FAM178B: variants seen among roughly 807,000 people sequenced by gnomAD.
The protein encoded by FAM178B is protein FAM178B.
FAM178B carries 82 observed loss-of-function variants against 91.7 expected under a neutral mutation model. That is an observed-to-expected ratio of 0.89 (90% CI 0.75 to 1.07). FAM178B has a LOEUF of 1.07. Ranked by LOEUF, FAM178B falls within the 50% of genes least tolerant of loss-of-function variation. The pLI, the probability that FAM178B is intolerant of heterozygous loss-of-function variation, is 0.00. For missense variants in FAM178B, 769 were observed against 846.7 expected (o/e 0.91, Z 1.14); for synonymous variants, 368 against 359.4 (o/e 1.02, Z -0.27).
chr2:96,880,136 G>A (rs1287778370), intron 14 of FAM178B, among the ~76,000 whole-genome samples: 2 of 152,236 alleles, frequency 1.3e-5, no homozygotes, highest in Non-Finnish European at 2.9e-5. Context: ...CAGACCAAAA[G>A]GAGAAAGGGC....
At chr2:96,912,613 C>T (rs2081177644) in intron 12 of FAM178B, among the ~76,000 whole-genome samples, 1 of 152,284 alleles carries the variant, frequency 6.6e-6, no homozygotes, top group East Asian at 1.9e-4. Context: ...CTCCTCAGCT[C>T]CTGGCCCTTT....
At chr2:96,914,387 C>T (rs1014607857) in intron 12 of FAM178B, among the ~76,000 whole-genome samples, 1 of 152,186 alleles carries the variant, frequency 6.6e-6, no homozygotes, top group Non-Finnish European at 1.5e-5. Flanking sequence ...GTGCCCAGTG[C>T]ACCGCAGGGA....
chr2:96,910,862 T>C (rs571850778), intron 12 of FAM178B, among the ~76,000 whole-genome samples: 5 of 151,288 alleles, frequency 3.3e-5, no homozygotes, highest in African/African-American at 1.2e-4. Context: ...AGTGGCGTGA[T>C]CTTGGCTCAC....
intron 9 of FAM178B, among the ~76,000 whole-genome samples, chr2:96,925,746 T>C (rs1170852924): frequency 1.3e-5 from 2 of 152,194 alleles, no homozygotes; most frequent in African/African-American, 4.8e-5. Flanking sequence ...CTCATTAACC[T>C]TACAAGGGGC....
At chr2:96,956,962 A>T (rs2082007891) in intron 6 of FAM178B, 1 of 152,322 alleles carries the variant, frequency 6.6e-6, no homozygotes, top group Non-Finnish European at 1.5e-5. Context: ...AGGCTCAAGC[A>T]ATTGTCCCTT....
At chr2:96,928,988 C>T (rs1462453378) in intron 9 of FAM178B, among the ~76,000 whole-genome samples, 1 of 151,952 alleles carries the variant, frequency 6.6e-6, no homozygotes, top group East Asian at 1.9e-4. Context: ...CCCCCCGCCA[C>T]CTCTACAAAA....
intron 6 of FAM178B, among the ~76,000 whole-genome samples, chr2:96,952,638 G>A (rs990122685): frequency 5.3e-5 from 8 of 152,184 alleles, no homozygotes; most frequent in Non-Finnish European, 1.0e-4. Context: ...TGCTTCAGAA[G>A]TCATTTTATA....
intron 14 of FAM178B, among the ~76,000 whole-genome samples, chr2:96,891,977 CAA>C (rs2080693161): frequency 6.6e-6 from 1 of 152,222 alleles, no homozygotes; most frequent in Non-Finnish European, 1.5e-5. Flanking sequence ...AACGAAAAGG[CAA>C]AGACTTTGAG....
chr2:96,892,399 T>C (rs1574199597), intron 14 of FAM178B, among the ~76,000 whole-genome samples: 2 of 152,166 alleles, frequency 1.3e-5, no homozygotes, highest in Non-Finnish European at 2.9e-5. Context: ...CCTGGACCAG[T>C]GCACCCTACC....
At chr2:96,921,868 C>T (rs2153370911) in intron 10 of FAM178B, among the ~76,000 whole-genome samples, 1 of 152,188 alleles carries the variant, frequency 6.6e-6, no homozygotes, top group East Asian at 1.9e-4. Context: ...GCGTTTGAAC[C>T]AGAGCAACTC....
At chr2:96,911,683 A>G (rs1207668159) in intron 12 of FAM178B, among the ~76,000 whole-genome samples, 1 of 152,188 alleles carries the variant, frequency 6.6e-6, no homozygotes, top group Non-Finnish European at 1.5e-5. Context: ...TCTGGCGGAA[A>G]TCCAAGGGGG....
chr2:96,930,393 C>T (rs1046157147), intron 8 of FAM178B, among the ~76,000 whole-genome samples: 1 of 152,104 alleles, frequency 6.6e-6, no homozygotes, highest in Non-Finnish European at 1.5e-5. Flanking sequence ...AGGATGGCTG[C>T]CCAAGACCTC....
chr2:96,954,420 G>A (rs1351414723), intron 6 of FAM178B, among the ~76,000 whole-genome samples: 1 of 152,262 alleles, frequency 6.6e-6, no homozygotes, highest in Non-Finnish European at 1.5e-5. Flanking sequence ...GGAAATGGGG[G>A]CAGCTGGGCT....
rs1221789702 is a variant in FAM178B at position 96,877,872 on chromosome 2, G to C, written c.2007+18C>G. 1 of 1,610,640 alleles carries C rather than the reference G, an allele frequency of 6.2e-7. No individual in the cohort carries two copies. The stretch of plus-strand genomic sequence containing the variant: ...ACTTCCCGCCCCTCCCAGGTCTGGG[G>C]GCTAGAGGGGGCACCACCTGGGGCT... On this transcript the variant is annotated intron_variant, in intron 16 of 16. Transcript: ENST00000490605.
chr2:96,889,873 T>TTGGGATTA (rs2080627658), intron 14 of FAM178B, among the ~76,000 whole-genome samples: 1 of 151,650 alleles, frequency 6.6e-6, no homozygotes, highest in Non-Finnish European at 1.5e-5. Flanking sequence ...TTGAGATGGC[T>TTGGGATTA]CATGCCTGTA....
chr2:96,892,627 G>A (rs1291065467), intron 14 of FAM178B, among the ~76,000 whole-genome samples: 3 of 152,184 alleles, frequency 2.0e-5, no homozygotes, highest in Non-Finnish European at 2.9e-5. Flanking sequence ...GTACCAGAGT[G>A]AGCCTGGCAG....
intron 12 of FAM178B, among the ~76,000 whole-genome samples, chr2:96,908,868 G>A (rs547600958): frequency 1.3e-5 from 2 of 151,410 alleles, no homozygotes; most frequent in African/African-American, 4.8e-5. Context: ...GAAGTCTGCT[G>A]GGCGCAGTGG....
At chr2:96,979,251 A>T (rs527292693) in intron 1 of FAM178B, among the ~76,000 whole-genome samples, 1 of 146,254 alleles carries the variant, frequency 6.8e-6, no homozygotes, top group South Asian at 2.1e-4. Flanking sequence ...CTGGGATTAC[A>T]GGCGTGAGCC....
At position 96,972,537 on chromosome 2, in the gene FAM178B, C is replaced by A. The variant is rs1368319391; in HGVS notation, c.142+1G>T. On this transcript the variant is annotated splice_donor_variant, in intron 2 of 16. Coordinates refer to ENST00000490605, the MANE Select transcript of FAM178B (RefSeq NM_001122646.3). LOFTEE classifies it high-confidence loss of function. ...TACCTGTGCAGGTGAGAGACGCCTA[C>A]CTTCTCTCAGAGGAAGGGCTAGCAC... 6.4e-7 allele frequency: 1 copy of A among 1,551,340 alleles called. No homozygotes were observed. Among genetic ancestry groups the A allele is most frequent in the Non-Finnish European group, 8.7e-7 (1 of 1,146,734 alleles).
Sources: gnomAD v4.1 joint callset for allele counts (sites outside exome capture counted in the v4.1 genomes callset) on GRCh38, gnomAD v4.1.1 for gene constraint, MANE v1.5 for transcripts, NCBI Gene and HGNC (gene_info 2026-07-23, HGNC 2026-07-21) for gene names.